Variants in RNF157 observed in about 807,000 individuals in gnomAD.
RNF157 encodes the protein ring finger protein 157, also known as E3 ubiquitin ligase RNF157.
A neutral mutation model predicts 88.3 loss-of-function variants in RNF157; 55 were observed. The ratio of observed to expected loss-of-function variants is 0.62; its 90% CI spans 0.50 to 0.78. The LOEUF (loss-of-function observed/expected upper bound fraction) is 0.78, where lower values mean the gene tolerates loss of function less well. Among genes scored for constraint, RNF157 ranks in the 30% least tolerant of loss-of-function variants. The probability of loss-of-function intolerance (pLI) is 0.00; values close to 1 mark genes in which losing one functional copy is unlikely to be tolerated. For missense variants in RNF157, 788 were observed against 860.8 expected (o/e 0.92, Z 1.06); for synonymous variants, 334 against 341.2 (o/e 0.98, Z 0.23).
intron 13 of RNF157, among the ~76,000 whole-genome samples, 176 bp downstream of exon 13, chr17:76,158,217 A>G (rs915476578): frequency 6.6e-6 from 1 of 152,186 alleles, no homozygotes; most frequent in African/African-American, 2.4e-5. Flanking sequence ...GGCAAATAAT[A>G]CAGGCTGCAT....
At chr17:76,169,266 T>C (rs1193633832) in intron 3 of RNF157, among the ~76,000 whole-genome samples, 1 of 147,556 alleles carries the variant, frequency 6.8e-6, no homozygotes, top group African/African-American at 2.5e-5. Flanking sequence ...TATTGAAATT[T>C]TCATTTCTGC....
intron 18 of RNF157, among the ~76,000 whole-genome samples, chr17:76,151,643 A>C (rs79842518): frequency 0.016 from 2,388 of 152,326 alleles, 75 homozygotes; most frequent in African/African-American, 0.055. Flanking sequence ...ACACTAACTA[A>C]AAAGGCACTC....
rs576409258 is a variant in RNF157, at chr17:76,195,296, G to A, written c.207+17068C>T. Among the ~76,000 whole-genome samples the A allele has an allele frequency of 1.3e-5, 2 of 152,148 alleles. No individual in the cohort carries two copies. ...CCCTAGATCTTTTTCCAGACACCAC[G>A]TAACCAGGAGATCACCTGTCTCTCC... On this transcript the variant is annotated intron_variant, in intron 2 of 18. Coordinates refer to ENST00000269391, the MANE Select transcript of RNF157 (RefSeq NM_052916.3). The surrounding 1 kb of genome is among the most constrained non-coding windows in gnomAD (Gnocchi z 4.4).
chr17:76,234,340 T>C (rs1374982044), intron 1 of RNF157, among the ~76,000 whole-genome samples: 1 of 152,230 alleles, frequency 6.6e-6, no homozygotes, highest in Admixed American at 6.5e-5. Flanking sequence ...GAGTAATTCA[T>C]GTGCAAGTTT....
chr17:76,197,519 G>T (rs1304580011), intron 2 of RNF157, among the ~76,000 whole-genome samples: 2 of 152,018 alleles, frequency 1.3e-5, no homozygotes, highest in East Asian at 1.9e-4. Flanking sequence ...TAAAAATAAA[G>T]AAATAAAGCC....
chr17:76,239,718 G>T (rs564414732), intron 1 of RNF157, among the ~76,000 whole-genome samples: 1 of 152,272 alleles, frequency 6.6e-6, no homozygotes, highest in Non-Finnish European at 1.5e-5. Flanking sequence ...TGCCTGTTTG[G>T]ATGCCGAGGT....
chr17:76,201,246 G>A (rs2069571661), intron 2 of RNF157, among the ~76,000 whole-genome samples: 1 of 150,556 alleles, frequency 6.6e-6, no homozygotes, highest in African/African-American at 2.5e-5. Flanking sequence ...AGCACTTTGG[G>A]AGGCTGAGGC....
chr17:76,229,583 T>A (rs2070152948), intron 1 of RNF157, among the ~76,000 whole-genome samples: 1 of 152,220 alleles, frequency 6.6e-6, no homozygotes, highest in African/African-American at 2.4e-5. Flanking sequence ...TGCCATATCT[T>A]TTCATCCAGA....
intron 3 of RNF157, among the ~76,000 whole-genome samples, chr17:76,173,050 G>A (rs1568038065): frequency 6.6e-6 from 1 of 152,170 alleles, no homozygotes; most frequent in Non-Finnish European, 1.5e-5. Context: ...ACTTTGGGAG[G>A]CCAAGGCAGG....
chr17:76,226,266 C>G (rs6501867), intron 1 of RNF157: 143,580 of 1,607,748 alleles, frequency 0.089, 8,784 homozygotes, highest in African/African-American at 0.27. Flanking sequence ...CTGCCCAGCT[C>G]TAAACTAAAG....
chr17:76,224,461 A>G (rs141366814), intron 1 of RNF157, among the ~76,000 whole-genome samples: 1 of 152,170 alleles, frequency 6.6e-6, no homozygotes, highest in African/African-American at 2.4e-5. Context: ...ATTTGAAAAA[A>G]TCTTCATCTA....
rs2068729482 is a variant in RNF157, at chr17:76,154,392, A to G, written c.1765-64T>C. On this transcript the variant is annotated intron_variant, in intron 16 of 18. Coordinates refer to ENST00000269391, the MANE Select transcript of RNF157 (RefSeq NM_052916.3). ...CAAAATGAGTAAACTGATTGGCTGA[A>G]GACAGAACTAATCATCCTACTGGTA... The G allele has an allele frequency of 3.0e-5, 31 of 1,036,012 alleles. No individual in the cohort carries two copies. The South Asian group carries it at 3.7e-4, about 12-fold the overall frequency. The allele number at this position is 1,036,012 out of a possible 1,614,324, so 64.2% of individuals were successfully genotyped here.
chr17:76,153,462 G>A (rs963313586), intron 17 of RNF157: 3 of 152,274 alleles, frequency 2.0e-5, no homozygotes, highest in African/African-American at 4.8e-5. Flanking sequence ...ATCTGCTGGT[G>A]CGTCTGTATC....
chr17:76,219,531 G>T (rs1741746419), intron 1 of RNF157, among the ~76,000 whole-genome samples: 1 of 152,040 alleles, frequency 6.6e-6, no homozygotes, highest in South Asian at 2.1e-4. Context: ...TAGGAGGAGG[G>T]AGGGAACGAA....
chr17:76,148,509 C>T (rs753746996), intron 18 of RNF157, among the ~76,000 whole-genome samples: 6 of 151,252 alleles, frequency 4.0e-5, no homozygotes, highest in Non-Finnish European at 7.4e-5. Flanking sequence ...TCTTGTGATC[C>T]GCCCATCTCG....
intron 1 of RNF157, among the ~76,000 whole-genome samples, chr17:76,237,621 G>A (rs1335557667): frequency 1.3e-5 from 2 of 152,200 alleles, no homozygotes; most frequent in Non-Finnish European, 2.9e-5. Context: ...GAGGCAGACA[G>A]TATAGTAGGA....
At chr17:76,203,220 G>C (rs529973488) in intron 2 of RNF157, among the ~76,000 whole-genome samples, 1 of 151,934 alleles carries the variant, frequency 6.6e-6, no homozygotes, top group Admixed American at 6.6e-5. Context: ...CAAACTCCTG[G>C]CCTCAAGCAA....
At chr17:76,183,171 A>T (rs938311354) in intron 2 of RNF157, among the ~76,000 whole-genome samples, 1 of 149,174 alleles carries the variant, frequency 6.7e-6, no homozygotes, top group Admixed American at 6.6e-5. Flanking sequence ...TCCTGACCTC[A>T]GGCGATCCGC....
intron 2 of RNF157, among the ~76,000 whole-genome samples, chr17:76,185,623 C>T: frequency 6.6e-6 from 1 of 151,848 alleles, no homozygotes; most frequent in Admixed American, 6.6e-5. Flanking sequence ...GCACCCGCTA[C>T]CACGCCCGGC....
Sources: allele counts gnomAD v4.1 joint callset (sites outside exome capture counted in the v4.1 genomes callset), GRCh38; gene constraint gnomAD v4.1.1; non-coding constraint Gnocchi (gnomAD v3.1); transcripts MANE v1.5; gene names NCBI Gene and HGNC (gene_info 2026-07-23, HGNC 2026-07-21).